The following CSMD1 variants were observed in gnomAD, a reference collection of about 807,000 sequenced individuals.
CSMD1 encodes the protein CUB and Sushi multiple domains 1.
A neutral mutation model predicts 417.5 loss-of-function variants in CSMD1; 213 were observed. The ratio of observed to expected loss-of-function variants is 0.51; its 90% CI spans 0.46 to 0.57. CSMD1 has a LOEUF of 0.57. CSMD1 is among the 20% of genes least tolerant of loss of function. The pLI is 0.00. For synonymous variants in CSMD1, 2,862 were observed against 1,736.8 expected (o/e 1.65, Z -16.11); for missense variants, 6,923 against 4,529.7 (o/e 1.53, Z -15.17).
chr8:3,883,652 T>C (rs1398467846), intron 5 of CSMD1, among the ~76,000 whole-genome samples: 1 of 152,158 alleles, frequency 6.6e-6, no homozygotes, highest in Non-Finnish European at 1.5e-5. Context: ...CAATTACTGA[T>C]ATTATTAATT....
chr8:3,368,359 T>C (rs1404730938), intron 19 of CSMD1, among the ~76,000 whole-genome samples: 3 of 152,294 alleles, frequency 2.0e-5, no homozygotes, highest in African/African-American at 4.8e-5. Context: ...TTTTTTGAGA[T>C]AGAGTCTCGC....
At chr8:3,428,385 C>A (rs1175268182) in intron 12 of CSMD1, among the ~76,000 whole-genome samples, 2 of 152,140 alleles carry the variant, frequency 1.3e-5, no homozygotes. Context: ...CAGTACAAAT[C>A]TTGACAGAAG....
chr8:4,753,108 C>A (rs374364002), intron 1 of CSMD1, among the ~76,000 whole-genome samples: 1 of 152,066 alleles, frequency 6.6e-6, no homozygotes, highest in African/African-American at 2.4e-5. Context: ...TTTTTGGAAA[C>A]ATTTTATGGA....
intron 3 of CSMD1, among the ~76,000 whole-genome samples, chr8:4,173,108 C>A (rs187313705): frequency 1.3e-5 from 2 of 151,988 alleles, no homozygotes; most frequent in Non-Finnish European, 2.9e-5. Flanking sequence ...ATGAACCACA[C>A]GGAGGAAGTA....
chr8:3,098,023 G>C (rs985957367), intron 46 of CSMD1, among the ~76,000 whole-genome samples: 2 of 152,170 alleles, frequency 1.3e-5, no homozygotes, highest in East Asian at 3.8e-4. Flanking sequence ...ACAATCTGCA[G>C]AGATCTGGAC....
intron 1 of CSMD1, among the ~76,000 whole-genome samples, chr8:4,990,387 G>A (rs1425461101): frequency 6.6e-6 from 1 of 150,478 alleles, no homozygotes; most frequent in Admixed American, 6.6e-5. Context: ...TTTTGAGATG[G>A]AGCTTAGCTT....
At chr8:4,026,994 A>G (rs1425863073) in intron 4 of CSMD1, among the ~76,000 whole-genome samples, 2 of 152,224 alleles carry the variant, frequency 1.3e-5, no homozygotes, top group African/African-American at 4.8e-5. Context: ...CTGTAGTCCC[A>G]CTATGACAGA....
chr8:4,606,092 C>T (rs1007606297), intron 2 of CSMD1, among the ~76,000 whole-genome samples: 8 of 152,060 alleles, frequency 5.3e-5, no homozygotes, highest in Admixed American at 2.6e-4. Flanking sequence ...CTATATCTCA[C>T]GTTCAAAATT....
At chr8:3,749,877 T>C (rs1456177156) in intron 6 of CSMD1, among the ~76,000 whole-genome samples, 1 of 152,138 alleles carries the variant, frequency 6.6e-6, no homozygotes, top group Non-Finnish European at 1.5e-5. Flanking sequence ...GGTGCTCGCA[T>C]CTCCTGGGGA....
intron 26 of CSMD1, among the ~76,000 whole-genome samples, chr8:3,265,908 C>G (rs116516548): frequency 6.6e-6 from 1 of 151,834 alleles, no homozygotes; most frequent in South Asian, 2.1e-4. Flanking sequence ...TTGGAGGCCA[C>G]AAGCAGGAAA....
intron 5 of CSMD1, among the ~76,000 whole-genome samples, chr8:3,944,700 T>A (rs188080080): frequency 4.6e-5 from 7 of 152,292 alleles, no homozygotes; most frequent in Non-Finnish European, 7.4e-5. Flanking sequence ...TGAAAATGCC[T>A]CAGGACATTT....
rs113391201 is a variant in CSMD1, at chr8:3,616,944, C to A, written c.1010-147G>T. On this transcript the variant is annotated intron_variant, in intron 7 of 69. Transcript: ENST00000635120. ...GGAATTAAGACACCTTAAATACATT[C>A]AAATAAGTGTTTATATTCTGATTGG... 869 of 498,030 alleles carry A rather than the reference C, an allele frequency of 1.7e-3. 6 individuals are homozygous for A. Among genetic ancestry groups the A allele is most frequent in the African/African-American group, 0.015 (787 of 51,426 alleles). The allele number at this position is 498,030 out of a possible 1,614,324, so 30.9% of individuals were successfully genotyped here.
intron 3 of CSMD1, among the ~76,000 whole-genome samples, chr8:4,155,362 C>T (rs945937349): frequency 1.3e-5 from 2 of 152,188 alleles, no homozygotes; most frequent in African/African-American, 4.8e-5. Context: ...AACAGCCACG[C>T]TGCTTCTAAT....
At chr8:3,828,971 C>G (rs1368512105) in intron 5 of CSMD1, among the ~76,000 whole-genome samples, 1 of 152,168 alleles carries the variant, frequency 6.6e-6, no homozygotes, top group African/African-American at 2.4e-5. Flanking sequence ...CAACACAGTT[C>G]CTTAGGGTTT....
intron 2 of CSMD1, among the ~76,000 whole-genome samples, chr8:4,574,139 T>C (rs7832587): frequency 0.058 from 8,680 of 150,642 alleles, 772 homozygotes; most frequent in African/African-American, 0.2. Context: ...AACAGTTCTG[T>C]CTCGTTGGGG....
intron 3 of CSMD1, among the ~76,000 whole-genome samples, chr8:4,113,390 C>CTTTTTT (rs59647790): frequency 1.2e-5 from 1 of 81,202 alleles, no homozygotes; most frequent in South Asian, 6.4e-4. Context: ...AATAAAAGGG[C>CTTTTTT]TTTTTTTTTT....
intron 3 of CSMD1, among the ~76,000 whole-genome samples, chr8:4,204,222 A>G (rs545270632): frequency 4.3e-4 from 65 of 152,294 alleles, no homozygotes; most frequent in Non-Finnish European, 6.0e-4. Flanking sequence ...TTTTCACACC[A>G]GAACATCCTC....
chr8:3,768,335 G>T (rs7820567), intron 5 of CSMD1, among the ~76,000 whole-genome samples: 12,327 of 152,174 alleles, frequency 0.081, 618 homozygotes, highest in African/African-American at 0.13. Context: ...CCTAACTGTG[G>T]AAGCTCATCT....
intron 40 of CSMD1, among the ~76,000 whole-genome samples, chr8:3,149,648 T>C (rs1414185772): frequency 6.6e-6 from 1 of 152,116 alleles, no homozygotes; most frequent in South Asian, 2.1e-4. Flanking sequence ...CAGCTAAGTT[T>C]TGTATTTTTA....
Sources: allele counts gnomAD v4.1 joint callset (sites outside exome capture counted in the v4.1 genomes callset), GRCh38; gene constraint gnomAD v4.1.1; transcripts MANE v1.5; gene names NCBI Gene and HGNC (gene_info 2026-07-23, HGNC 2026-07-21).